MAX: variants seen among roughly 807,000 people sequenced by gnomAD.
MAX encodes MYC associated transcriptional regulator X.
In MAX, 3 loss-of-function variants were observed where a neutral mutation model predicts 22.3. The ratio of observed to expected loss-of-function variants is 0.13; its 90% CI spans 0.06 to 0.35. The LOEUF (loss-of-function observed/expected upper bound fraction) is 0.35, where lower values mean the gene tolerates loss of function less well. MAX is among the 10% of genes least tolerant of loss of function. The pLI is 1.00. For synonymous variants in MAX, 72 were observed against 77.7 expected, an observed-to-expected ratio of 0.93 and a Z score of 0.39; for missense variants, 119 against 209.4, an observed-to-expected ratio of 0.57 and a Z score of 2.66.
intron 3 of MAX, among the ~76,000 whole-genome samples, chr14:65,037,715 A>G (rs1331179400): frequency 6.8e-6 from 1 of 146,726 alleles, no homozygotes; most frequent in Non-Finnish European, 1.5e-5. Context: ...GTGAGCCACC[A>G]TGCCCAGCCT....
At chr14:65,060,364 G>C (rs1489062121) in intron 3 of MAX, among the ~76,000 whole-genome samples, 2 of 150,824 alleles carry the variant, frequency 1.3e-5, no homozygotes, top group Admixed American at 1.3e-4. Flanking sequence ...CGAGGCGGGT[G>C]GATCACCTGA....
Position 65,088,480 on chromosome 14 carries a change from T to C in MAX, c.171+5228A>G, listed in dbSNP as rs1313070190. ...TGGAGTCTGACTAGCTAATATAACC[T>C]TAATGAGTAATGAGGAGAAGTGGAT... On this transcript the variant is annotated intron_variant, in intron 3 of 4. Transcript: ENST00000358664. This position sits in a 1 kb window ranked among gnomAD's most constrained non-coding sequence, Gnocchi z 5.2. 6.6e-6 allele frequency among the ~76,000 whole-genome samples: 1 copy of C among 152,228 alleles called. No individual in the cohort carries two copies. Among genetic ancestry groups the C allele is most frequent in the African/African-American group, 2.4e-5 (1 of 41,458 alleles).
At chr14:65,046,622 A>G (rs1251373924) in intron 3 of MAX, among the ~76,000 whole-genome samples, 1 of 152,222 alleles carries the variant, frequency 6.6e-6, no homozygotes, top group Non-Finnish European at 1.5e-5. Context: ...TCTCAGACAC[A>G]GGGCATCTCT....
rs948501249 is a variant in MAX at position 65,054,867 on chromosome 14, T to C, written c.171+38841A>G. Among the ~76,000 whole-genome samples the C allele has an allele frequency of 6.6e-6, 1 of 152,232 alleles. No individual in the cohort carries two copies. The highest frequency in any genetic ancestry group is 1.5e-5 in the Non-Finnish European group (1 of 68,040). ...GATGTGACCACAGAGGAGACGCACC[T>C]CTGGGCAAGCTCAGGGTTCCAGATG... On this transcript the variant is annotated intron_variant, in intron 3 of 3. Coordinates refer to the MAX transcript ENST00000341653. This position sits in a 1 kb window ranked among gnomAD's most constrained non-coding sequence, Gnocchi z 4.4.
chr14:65,040,712 C>G, intron 3 of MAX: 1 of 1,384,712 alleles, frequency 7.2e-7, no homozygotes, highest in Non-Finnish European at 9.5e-7. Flanking sequence ...AACTTTTTCT[C>G]TGCCACCTAG....
intron 3 of MAX, among the ~76,000 whole-genome samples, chr14:65,036,566 A>G (rs889249229): frequency 4.6e-5 from 7 of 152,214 alleles, no homozygotes; most frequent in Non-Finnish European, 1.0e-4. Flanking sequence ...AGAAATACAG[A>G]GAAATCAAAT....
chr14:65,052,292 A>G (rs2062634211), intron 3 of MAX, among the ~76,000 whole-genome samples: 1 of 152,202 alleles, frequency 6.6e-6, no homozygotes, highest in African/African-American at 2.4e-5. Context: ...AGTTATAATA[A>G]CTAGGTAGAA....
chr14:65,053,625 T>TAAAAAAAAAAACAAAA (rs201558638), intron 3 of MAX, among the ~76,000 whole-genome samples: 2 of 146,242 alleles, frequency 1.4e-5, no homozygotes, highest in Admixed American at 6.7e-5. Flanking sequence ...CTTCTTTTTT[T>TAAAAAAAAAAACAAAA]TAAAAAAAAC....
In MAX at chr14:65,076,015, G is replaced by C. The variant is rs183428804; in HGVS notation, c.*461C>G. The C allele has an allele frequency of 3.6e-6, 4 of 1,104,554 alleles. No homozygotes were observed. The highest frequency in any genetic ancestry group is 4.4e-6 in the Non-Finnish European group (4 of 903,306). The allele number at this position is 1,104,554 out of a possible 1,614,324, so 68.4% of individuals were successfully genotyped here. ...GGGTTCATTCTGATTACTCCAAACC[G>C]GTCATCTTCTCAAAGTAGAGCAGTT... On this transcript the variant is annotated 3_prime_UTR_variant, in exon 5 of 5. Transcript: ENST00000358664. This position sits in a 1 kb window ranked among gnomAD's most constrained non-coding sequence, Gnocchi z 6.6.
chr14:65,065,333 G>A (rs2062920951), intron 3 of MAX, among the ~76,000 whole-genome samples: 1 of 152,182 alleles, frequency 6.6e-6, no homozygotes, highest in Non-Finnish European at 1.5e-5. Context: ...ATGAGACAAT[G>A]TGAGTTGGAC....
intron 3 of MAX, among the ~76,000 whole-genome samples, chr14:65,087,375 G>A (rs937598750): frequency 1.3e-5 from 2 of 152,178 alleles, no homozygotes; most frequent in African/African-American, 4.8e-5. Flanking sequence ...TGGAAAAGCT[G>A]CAGACACTCA....
In MAX at chr14:65,077,882, G is replaced by T. The variant is rs568585284; in HGVS notation, c.295+31C>A. 6.2e-7 allele frequency: 1 copy of T among 1,614,218 alleles called. No individual in the cohort carries two copies. Among genetic ancestry groups the T allele is most frequent in the African/African-American group, 1.3e-5 (1 of 75,050 alleles). ...GCCTGACCTGGCTGGAGCACAGCAG[G>T]GCCAGCTGCCCCACGAGCTCGGGTG... On this transcript the variant is annotated intron_variant, in intron 4 of 4. Transcript: ENST00000358664. This position sits in a 1 kb window ranked among gnomAD's most constrained non-coding sequence, Gnocchi z 6.3.
rs1448679007 is a variant in MAX at position 65,062,824 on chromosome 14, A to C, written c.171+30884T>G. Among the ~76,000 whole-genome samples, 2 of 152,168 alleles carry C rather than the reference A, an allele frequency of 1.3e-5. No homozygotes were observed. The highest frequency in any genetic ancestry group is 4.8e-5 in the African/African-American group (2 of 41,450). On this transcript the variant is annotated intron_variant, in intron 3 of 3. Coordinates refer to the MAX transcript ENST00000341653. The surrounding 1 kb of genome is among the most constrained non-coding windows in gnomAD (Gnocchi z 4.3). ...ACATGCCGTCTCCTCCAGTAGAGGA[A>C]GCCGTGGGCCTAACAGAGAGTGGGA...
chr14:65,044,289 T>C lies in MAX; in HGVS notation c.172-38005A>G. 1 of 1,611,968 alleles carries C rather than the reference T, an allele frequency of 6.2e-7. No homozygotes were observed. The highest frequency in any genetic ancestry group is 8.5e-7 in the Non-Finnish European group (1 of 1,179,186). On this transcript the variant is annotated intron_variant, in intron 3 of 3. Coordinates refer to the MAX transcript ENST00000341653. This position sits in a 1 kb window ranked among gnomAD's most constrained non-coding sequence, Gnocchi z 5.5. The stretch of plus-strand genomic sequence containing the variant: ...TTGTCTCTTTTAGCCTACAACTGCC[T>C]TTCCCATCTGTGTCTCCTCAGCAAT...
rs891845850 is a variant in MAX, at chr14:65,069,834, T to C, written c.171+23874A>G. On this transcript the variant is annotated intron_variant, in intron 3 of 3. Transcript: ENST00000341653. This position sits in a 1 kb window ranked among gnomAD's most constrained non-coding sequence, Gnocchi z 4.6. The stretch of plus-strand genomic sequence containing the variant: ...CTGGATGGGAAACATGGTCAAGTTG[T>C]TGGAAACAGGGTCCTTCCTCTCCAA... Among the ~76,000 whole-genome samples, 1 of 152,248 alleles carries C rather than the reference T, an allele frequency of 6.6e-6. No individual in the cohort carries two copies. Among genetic ancestry groups the C allele is most frequent in the African/African-American group, 2.4e-5 (1 of 41,470 alleles).
At chr14:65,019,635 TGA>T (rs2061849591) in intron 3 of MAX, among the ~76,000 whole-genome samples, 1 of 152,250 alleles carries the variant, frequency 6.6e-6, no homozygotes, top group African/African-American at 2.4e-5. Flanking sequence ...TGACAGTTAA[TGA>T]GAGTTTCTGC....
upstream of MAX, chr14:65,102,630 C>A: frequency 2.5e-6 from 3 of 1,191,626 alleles, no homozygotes; most frequent in Non-Finnish European, 3.2e-6. Context: ...ACAGACGGCC[C>A]GGGTAGCTCC....
At chr14:65,067,608 T>C (rs2062943431) in intron 3 of MAX, among the ~76,000 whole-genome samples, 1 of 151,748 alleles carries the variant, frequency 6.6e-6, no homozygotes, top group Admixed American at 6.6e-5. Flanking sequence ...GTTATCCTTA[T>C]GACTAGATGG....
intron 3 of MAX, among the ~76,000 whole-genome samples, chr14:65,010,585 A>G (rs757327603): frequency 7.9e-5 from 12 of 152,092 alleles, no homozygotes; most frequent in Non-Finnish European, 1.0e-4. Context: ...CCACTGCGAT[A>G]TTTTCAGATA....
Sources: gnomAD v4.1 joint callset for allele counts (sites outside exome capture counted in the v4.1 genomes callset) on GRCh38, gnomAD v4.1.1 for gene constraint, Gnocchi (gnomAD v3.1) non-coding constraint, MANE v1.5 for transcripts, NCBI Gene and HGNC (gene_info 2026-07-23, HGNC 2026-07-21) for gene names.